The following DNAJC6 variants were observed in gnomAD, a reference collection of about 807,000 sequenced individuals.
DNAJC6 encodes DnaJ heat shock protein family (Hsp40) member C6, also known as auxilin.
DNAJC6 carries 34 observed loss-of-function variants against 110.0 expected under a neutral mutation model. The observed-to-expected ratio is 0.31, with a 90% CI of 0.24 to 0.41. DNAJC6 has a LOEUF of 0.41. DNAJC6 is among the 10% of genes least tolerant of loss of function. The pLI is 1.00. For synonymous variants in DNAJC6, 406 were observed against 437.2 expected (o/e 0.93, Z 0.89); for missense variants, 1,031 against 1,207.8 (o/e 0.85, Z 2.17).
intron 1 of DNAJC6, among the ~76,000 whole-genome samples, chr1:65,280,180 T>C (rs1481248267): frequency 1.3e-5 from 2 of 152,210 alleles, no homozygotes; most frequent in Non-Finnish European, 1.5e-5. Context: ...AAAAGGAAAT[T>C]ATGAAAATTC....
intron 1 of DNAJC6, chr1:65,279,586 C>T (rs1274566527): frequency 6.6e-6 from 1 of 152,126 alleles, no homozygotes; most frequent in Non-Finnish European, 1.5e-5. Context: ...CATACATGCA[C>T]ATGCATGCAC....
At position 65,365,114 on chromosome 1, in the gene DNAJC6, T is replaced by C. The variant is rs545711748; in HGVS notation, c.344+329T>C. Among the ~76,000 whole-genome samples, 10 of 152,336 alleles carry C rather than the reference T, an allele frequency of 6.6e-5. No homozygotes were observed. The South Asian group carries it at 2.1e-3, about 32-fold the overall frequency. On this transcript the variant is annotated intron_variant, in intron 2 of 18. Coordinates refer to ENST00000371069, the MANE Select transcript of DNAJC6 (RefSeq NM_001256864.2). ...TTAATTAACCTCTCAGAGCTTTTTT[T>C]TTATACCCTGACAGGATTTGTGTCT...
intron 1 of DNAJC6, chr1:65,345,663 C>A (rs1645430446): frequency 1.1e-6 from 1 of 929,078 alleles, no homozygotes; most frequent in African/African-American, 3.1e-5. Flanking sequence ...CGTGGAGAGT[C>A]AATTTTTGAG....
At chr1:65,399,588 A>C (rs1407681013) in intron 14 of DNAJC6, among the ~76,000 whole-genome samples, 2 of 152,254 alleles carry the variant, frequency 1.3e-5, no homozygotes, top group East Asian at 1.9e-4. Context: ...CAAGTATACA[A>C]TACAGTATTA....
upstream of DNAJC6, among the ~76,000 whole-genome samples, chr1:65,307,112 G>A: frequency 6.6e-6 from 1 of 150,862 alleles, no homozygotes; most frequent in Non-Finnish European, 1.5e-5. Context: ...GAGTAGAACA[G>A]TGAGATATTC....
chr1:65,346,401 A>C (rs903445790), intron 1 of DNAJC6, among the ~76,000 whole-genome samples: 3 of 150,424 alleles, frequency 2.0e-5, no homozygotes, highest in Admixed American at 2.0e-4. Flanking sequence ...TTTTTTTGTC[A>C]TTCCATATCT....
intron 13 of DNAJC6, among the ~76,000 whole-genome samples, chr1:65,395,766 C>A (rs1158560714): frequency 6.6e-6 from 1 of 151,994 alleles, no homozygotes; most frequent in African/African-American, 2.4e-5. Context: ...ACATATGTGG[C>A]CCAAATTATA....
intron 1 of DNAJC6, among the ~76,000 whole-genome samples, chr1:65,324,103 G>T (rs749388569): frequency 6.6e-6 from 1 of 152,152 alleles, no homozygotes; most frequent in Non-Finnish European, 1.5e-5. Context: ...TCTCTCTTCA[G>T]TTTACAAGGC....
upstream of DNAJC6, among the ~76,000 whole-genome samples, chr1:65,309,311 C>T (rs895118648): frequency 6.1e-4 from 92 of 150,714 alleles, no homozygotes; most frequent in African/African-American, 2.2e-3. Flanking sequence ...CCCTCCCTTC[C>T]TACCTCCCTT....
intron 1 of DNAJC6, among the ~76,000 whole-genome samples, chr1:65,331,753 T>A (rs768213748): frequency 1.6e-4 from 25 of 152,248 alleles, no homozygotes; most frequent in Non-Finnish European, 3.4e-4. Context: ...TTGCTGAGTA[T>A]GAGCTCAGGT....
chr1:65,337,887 T>G (rs1483311210), intron 1 of DNAJC6, among the ~76,000 whole-genome samples: 1 of 152,192 alleles, frequency 6.6e-6, no homozygotes, highest in Non-Finnish European at 1.5e-5. Context: ...TTCTTACTAA[T>G]GACTAAATGG....
chr1:65,408,911 T>A, intron 17 of DNAJC6, 128 bp downstream of exon 17: 2 of 1,113,026 alleles, frequency 1.8e-6, no homozygotes, highest in Non-Finnish European at 2.4e-6. Flanking sequence ...TATAACAAAA[T>A]ACCATAAACT....
rs1200435224 is a variant in DNAJC6, at chr1:65,309,924, C to T, written c.179C>T (p.Thr60Ile). The change falls in exon 1 of 19, where the codon ACC (threonine) becomes ATC (isoleucine). Residue 60 changes from threonine (T) to isoleucine (I), a missense_variant. Coordinates refer to ENST00000371069, the MANE Select transcript of DNAJC6 (RefSeq NM_001256864.2). The stretch of plus-strand genomic sequence containing the variant: ...CGACAGCCTCCGGACCGCGCCAGCA[C>T]CATGGACAGCTCAGGTAGCGCTGCC... ...PARQPPDRAS[T>I]MDSSGASSPD... is the part of the protein sequence containing the mutation. The T allele has an allele frequency of 1.3e-6, 2 of 1,507,990 alleles. No homozygotes were observed. Among genetic ancestry groups the T allele is most frequent in the South Asian group, 1.3e-5 (1 of 79,456 alleles). 93.4% of individuals were successfully genotyped at this position (1,507,990 alleles called of 1,614,324 possible).
At chr1:65,284,889 C>T (rs576044301) in intron 1 of DNAJC6, among the ~76,000 whole-genome samples, 5 of 151,912 alleles carry the variant, frequency 3.3e-5, no homozygotes, top group Admixed American at 6.6e-5. Flanking sequence ...GGTTTCACCA[C>T]GTTGGCCAGG....
At chr1:65,320,519 T>C (rs1014020730) in intron 1 of DNAJC6, among the ~76,000 whole-genome samples, 3 of 152,310 alleles carry the variant, frequency 2.0e-5, no homozygotes, top group Admixed American at 1.3e-4. Context: ...AGAAAAATCA[T>C]ACTGACCCTG....
At chr1:65,336,623 C>T (rs1044787622) in intron 1 of DNAJC6, among the ~76,000 whole-genome samples, 1 of 152,114 alleles carries the variant, frequency 6.6e-6, no homozygotes, top group Admixed American at 6.5e-5. Flanking sequence ...GAAGTAGATC[C>T]CAGCCATAAT....
At chr1:65,300,106 AC>A (rs1431931045) in intron 1 of DNAJC6, among the ~76,000 whole-genome samples, 4 of 151,864 alleles carry the variant, frequency 2.6e-5, no homozygotes, top group Non-Finnish European at 5.9e-5. Flanking sequence ...GGTAGGTTGT[AC>A]CCCAGTTAGT....
At chr1:65,283,176 G>A (rs374327421) in intron 1 of DNAJC6, among the ~76,000 whole-genome samples, 1 of 152,162 alleles carries the variant, frequency 6.6e-6, no homozygotes, top group African/African-American at 2.4e-5. Context: ...GTTTATGTGT[G>A]TGTGTTTATG....
intron 7 of DNAJC6, 110 bp from the exon 8 acceptor site, chr1:65,386,702 G>T: frequency 1.1e-6 from 1 of 914,466 alleles, no homozygotes; most frequent in Non-Finnish European, 1.7e-6. Flanking sequence ...CTGGGTCCGG[G>T]CCTGGGCGAA....
Sources: allele counts gnomAD v4.1 joint callset (sites outside exome capture counted in the v4.1 genomes callset), GRCh38; gene constraint gnomAD v4.1.1; transcripts MANE v1.5; gene names NCBI Gene and HGNC (gene_info 2026-07-23, HGNC 2026-07-21).